Variants in CFAP54 observed in about 807,000 individuals in gnomAD.
CFAP54 encodes cilia and flagella associated protein 54, also known as cilia- and flagella-associated protein 54.
Under a neutral mutation model 370.4 loss-of-function variants are expected in CFAP54, and 290 were observed. That is an observed-to-expected ratio of 0.78 (90% CI 0.71 to 0.86). CFAP54 has a LOEUF of 0.86. Among genes scored for constraint, CFAP54 ranks in the 40% least tolerant of loss-of-function variants. CFAP54 has a pLI of 0.00. For synonymous variants in CFAP54, 1,206 were observed against 1,236.5 expected, an observed-to-expected ratio of 0.98 and a Z score of 0.52; for missense variants, 3,399 against 3,528.7, an observed-to-expected ratio of 0.96 and a Z score of 0.93.
rs748271733 is a variant in CFAP54, at chr12:96,688,907, C to A, written c.6015-9C>A. The A allele has an allele frequency of 6.5e-6, 10 of 1,527,408 alleles. No homozygotes were observed. The highest frequency in any genetic ancestry group is 2.2e-5 in the Admixed American group (1 of 45,838). The allele number at this position is 1,527,408 out of a possible 1,614,324, so 94.6% of individuals were successfully genotyped here. A position where few individuals can be genotyped will look rare whatever the true frequency, so the allele number is the denominator to read the frequency against. The stretch of plus-strand genomic sequence containing the variant: ...TACTAATCAATTTTTTTTTCTTATA[C>A]TTACTTAGATTTATTAAGTCATTGA... On this transcript the variant is annotated splice_polypyrimidine_tract_variant and intron_variant, in intron 42 of 67. Transcript: ENST00000524981.
At chr12:96,844,236 A>T (rs1292519001) in intron 66 of CFAP54, among the ~76,000 whole-genome samples, 1 of 152,276 alleles carries the variant, frequency 6.6e-6, no homozygotes, top group East Asian at 1.9e-4. Context: ...GGGGCAGATG[A>T]TCCAGGTGAT....
intron 23 of CFAP54, among the ~76,000 whole-genome samples, chr12:96,591,692 A>G (rs1159574649): frequency 6.6e-6 from 1 of 152,036 alleles, no homozygotes; most frequent in Non-Finnish European, 1.5e-5. Context: ...GATCGAGACC[A>G]TCCTGGCTAA....
chr12:96,752,262 C>G (rs1488893561), intron 55 of CFAP54, among the ~76,000 whole-genome samples: 3 of 152,164 alleles, frequency 2.0e-5, no homozygotes, highest in Non-Finnish European at 4.4e-5. Context: ...ATTTCAGAAC[C>G]TAAAGATACC....
rs576634651 is a variant in CFAP54 at position 96,742,537 on chromosome 12, A to G, written c.7170A>G (p.Ala2390=). Residue 2390 remains alanine, a synonymous_variant, in exon 52 of 68, where the codon GCA becomes GCG. Coordinates refer to ENST00000524981, the MANE Select transcript of CFAP54 (RefSeq NM_001306084.2). ...ATCTGTGGTTGAGGTGCCGCTTAGC[A>G]TTGGTGACTGCATTTGTTGCACAGA... The part of the protein sequence containing the change: ...NIHLWLRCRL[A]LVTAFVAQIH... 234 of 1,613,518 alleles carry G rather than the reference A, an allele frequency of 1.5e-4. 3 individuals are homozygous for G. The South Asian group carries it at 2.5e-3, about 17-fold the overall frequency.
At chr12:96,650,123 C>A in intron 35 of CFAP54, 51 bp downstream of exon 35, 1 of 1,443,624 alleles carries the variant, frequency 6.9e-7, no homozygotes, top group Non-Finnish European at 9.4e-7. Flanking sequence ...TTTCAGCCCA[C>A]CAACTTGGGC....
rs201119892 is a variant in CFAP54, at chr12:96,832,280, A to AT, written c.9171+3192_9171+3193insT. On this transcript the variant is annotated intron_variant, in intron 66 of 67. Coordinates refer to ENST00000524981, the MANE Select transcript of CFAP54 (RefSeq NM_001306084.2). Reference sequence around the variant, plus strand: ...AAAGCTTTTTCTTTTGTAAAAAAAAAAAATATATATATATATAGGTTATAA... The same window carrying AT: ...AAAGCTTTTTCTTTTGTAAAAAAAAATAAATATATATATATATAGGTTATAA... 9.1e-3 allele frequency among the ~76,000 whole-genome samples: 1,115 copies of AT among 122,858 alleles called. 15 individuals carry two copies. Among genetic ancestry groups the AT allele is most frequent in the African/African-American group, 0.032 (1,025 of 32,146 alleles). 80.6% of individuals were successfully genotyped at this position (122,858 alleles called of 152,430 possible).
At chr12:96,603,807 A>T (rs1345790659) in intron 26 of CFAP54, among the ~76,000 whole-genome samples, 1 of 152,130 alleles carries the variant, frequency 6.6e-6, no homozygotes, top group Non-Finnish European at 1.5e-5. Context: ...CAGCTACATC[A>T]GGTCATTTAA....
At chr12:96,683,411 C>CA (rs1248423698) in intron 40 of CFAP54, among the ~76,000 whole-genome samples, 3 of 152,166 alleles carry the variant, frequency 2.0e-5, no homozygotes, top group African/African-American at 7.2e-5. Context: ...AAGTCCTGAG[C>CA]AAAACAAAGT....
At chr12:96,695,028 A>G (rs1459655924) in intron 45 of CFAP54, among the ~76,000 whole-genome samples, 2 of 152,088 alleles carry the variant, frequency 1.3e-5, no homozygotes, top group Non-Finnish European at 2.9e-5. Context: ...GTCAAAAAAA[A>G]CAAAAACAAA....
At chr12:96,552,912 A>C (rs1283164113) in intron 15 of CFAP54, among the ~76,000 whole-genome samples, 1 of 152,208 alleles carries the variant, frequency 6.6e-6, no homozygotes, top group East Asian at 1.9e-4. Flanking sequence ...TGTAATTCAG[A>C]AGAGAAGAGA....
Position 96,740,081 on chromosome 12 carries a change from T to TGTTCTTACAATACTTTTTA in CFAP54, c.7071+35_7071+36insTTTAGTTCTTACAATACTT, listed in dbSNP as rs758409995. On this transcript the variant is annotated intron_variant, in intron 51 of 67. Coordinates refer to ENST00000524981, the MANE Select transcript of CFAP54 (RefSeq NM_001306084.2). ...ACTTCTGTAAGTATGACTTAATGTCTGTTCTTACAATACTTATCATATAAG... is the reference window on the plus strand; with the variant it reads ...ACTTCTGTAAGTATGACTTAATGTCTGTTCTTACAATACTTTTTAGTTCTTACAATACTTATCATATAAG... The TGTTCTTACAATACTTTTTA allele has an allele frequency of 7.8e-7, 1 of 1,288,462 alleles. No homozygotes were observed. Among genetic ancestry groups the TGTTCTTACAATACTTTTTA allele is most frequent in the South Asian group, 1.2e-5 (1 of 81,684 alleles). The allele number at this position is 1,288,462 out of a possible 1,614,324, so 79.8% of individuals were successfully genotyped here.
In CFAP54 at chr12:96,626,988, A is replaced by G. The variant is rs1176844945; in HGVS notation, c.4103+49A>G. 4.1e-6 allele frequency: 5 copies of G among 1,214,426 alleles called. No individual in the cohort carries two copies. The East Asian group carries it at 8.3e-5, about 20-fold the overall frequency. The allele number at this position is 1,214,426 out of a possible 1,614,324, so 75.2% of individuals were successfully genotyped here. On this transcript the variant is annotated intron_variant, in intron 30 of 67. Transcript: ENST00000524981. The stretch of plus-strand genomic sequence containing the variant: ...ACATGTTAACAACTTTAAAAAATGA[A>G]TATCATTGTCAGTTTTAAGAAATAT...
chr12:96,682,641 G>A (rs969848235), intron 40 of CFAP54, among the ~76,000 whole-genome samples: 4 of 152,098 alleles, frequency 2.6e-5, no homozygotes, highest in Non-Finnish European at 4.4e-5. Context: ...CTCCCAAAAC[G>A]CTGGTACAGG....
intron 67 of CFAP54, among the ~76,000 whole-genome samples, chr12:96,873,826 A>G (rs1206947535): frequency 6.6e-6 from 1 of 152,182 alleles, no homozygotes; most frequent in South Asian, 2.1e-4. Context: ...CTACCATAAA[A>G]ATATGAAATT....
At position 96,829,080 on chromosome 12, in the gene CFAP54, C is replaced by T; in HGVS notation, c.9163C>T (p.Leu3055=). 1 of 1,497,434 alleles carries T rather than the reference C, an allele frequency of 6.7e-7. No homozygotes were observed. The highest frequency in any genetic ancestry group is 9.0e-7 in the Non-Finnish European group (1 of 1,114,076). 92.8% of individuals were successfully genotyped at this position (1,497,434 alleles called of 1,614,324 possible). A position where few individuals can be genotyped will look rare whatever the true frequency, so the allele number is the denominator to read the frequency against. The part of the protein sequence containing the change: ...LFLNDKEPTP[L]SEVPFDISLP... ...TTTGAATGATAAAGAGCCAACACCA[C>T]TATCTGAGGTATGTATTTCTCCTTT... The change falls in exon 66 of 68, where the codon CTA becomes TTA. Residue 3055 remains leucine, a synonymous_variant. Coordinates refer to ENST00000524981, the MANE Select transcript of CFAP54 (RefSeq NM_001306084.2).
chr12:96,614,114 A>T (rs544100499), intron 26 of CFAP54, among the ~76,000 whole-genome samples: 22 of 152,358 alleles, frequency 1.4e-4, no homozygotes, highest in African/African-American at 5.1e-4. Context: ...AAAATCCTCA[A>T]TAAAATGCTG....
chr12:96,700,049 C>G lies in CFAP54; in HGVS notation c.6430C>G (p.Pro2144Ala). The G allele has an allele frequency of 6.2e-7, 1 of 1,609,622 alleles. No individual in the cohort carries two copies. Among genetic ancestry groups the G allele is most frequent in the Non-Finnish European group, 8.5e-7 (1 of 1,178,156 alleles). ...ISQIFYGKNM[P>A]CPIPAGYKAT... ...CCAAATTTTCTATGGAAAAAACATG[C>G]CTTGTCCAATACCTGCAGGCTATAA... Residue 2144 changes from proline (P) to alanine (A), a missense_variant, in exon 46 of 68, where the codon CCT becomes GCT. By Grantham distance (27) the Pro-to-Ala change is conservative. Around this residue, in one of 3 missense-constraint regions of CFAP54, gnomAD observed 2,796 missense variants for 2,869.7 expected, o/e 0.97. Coordinates refer to ENST00000524981, the MANE Select transcript of CFAP54 (RefSeq NM_001306084.2).
intron 36 of CFAP54, among the ~76,000 whole-genome samples, chr12:96,657,330 C>T (rs1411825431): frequency 1.3e-5 from 2 of 152,166 alleles, no homozygotes; most frequent in Non-Finnish European, 2.9e-5. Flanking sequence ...ATAGGTGTGA[C>T]ATTTGCATCT....
At chr12:96,573,132 G>C in intron 19 of CFAP54, 1 of 739,740 alleles carries the variant, frequency 1.4e-6, no homozygotes, top group Non-Finnish European at 1.7e-6. Context: ...ATAATCCCGA[G>C]GAAGGATATG....
Sources: allele counts gnomAD v4.1 joint callset (sites outside exome capture counted in the v4.1 genomes callset), GRCh38; gene constraint gnomAD v4.1.1; regional missense constraint gnomAD v4.1.1; transcripts MANE v1.5; gene names NCBI Gene and HGNC (gene_info 2026-07-23, HGNC 2026-07-21).